The following SRD5A1 variants were observed in gnomAD, a reference collection of about 807,000 sequenced individuals.
The protein encoded by SRD5A1 is 3-oxo-5-alpha-steroid 4-dehydrogenase 1.
A neutral mutation model predicts 28.2 loss-of-function variants in SRD5A1; 22 were observed. The observed-to-expected ratio is 0.78, with a 90% CI of 0.56 to 1.12. SRD5A1 has a LOEUF of 1.12. SRD5A1 is among the 50% of genes most tolerant of loss of function. SRD5A1 has a pLI of 0.00. For missense variants in SRD5A1, 300 were observed against 346.7 expected (o/e 0.87, Z 1.07); for synonymous variants, 151 against 135.0 (o/e 1.12, Z -0.82).
chr5:6,652,083 G>A, intron 2 of SRD5A1, 75 bp downstream of exon 2: 1 of 1,469,606 alleles, frequency 6.8e-7, no homozygotes. Context: ...GGTTTCTAAT[G>A]AGAAAGTCCA....
intron 1 of SRD5A1, among the ~76,000 whole-genome samples, chr5:6,644,011 G>T (rs1024740460): frequency 6.6e-6 from 1 of 152,140 alleles, no homozygotes; most frequent in Non-Finnish European, 1.5e-5. Flanking sequence ...CCACAACTTA[G>T]AAGAAAATTG....
In SRD5A1 at chr5:6,664,318, G is replaced by A. The variant is rs142340950; in HGVS notation, c.713+1352G>A. The stretch of plus-strand genomic sequence containing the variant: ...GGTATAGTGGGAAGAGTACCTAGGT[G>A]TACTTCCCAGCCTCACCACGAGTTT... On this transcript the variant is annotated intron_variant, in intron 4 of 4. Coordinates refer to ENST00000274192, the MANE Select transcript of SRD5A1 (RefSeq NM_001047.4). Among the ~76,000 whole-genome samples the A allele has an allele frequency of 6.9e-4, 105 of 152,310 alleles. 2 individuals are homozygous for A. In the East Asian group the frequency reaches 0.02, roughly 29 times the overall value.
rs1282917310 is a variant in SRD5A1, at chr5:6,669,948, A to C, written c.*1680A>C. On this transcript the variant is annotated 3_prime_UTR_variant, in exon 5 of 5. Transcript: ENST00000274192. The stretch of plus-strand genomic sequence containing the variant: ...CAGAGCAGAGAGGCCATGACAGTGC[A>C]CACCCTGCGGAGACCCTGGGTCCTC... 1 of 152,588 alleles carries C rather than the reference A, an allele frequency of 6.6e-6. No homozygotes were observed. 9.5% of individuals were successfully genotyped at this position (152,588 alleles called of 1,614,324 possible).
chr5:6,668,085 TTAC>T, intron 4 of SRD5A1, 114 bp from the exon 5 acceptor site: 1 of 594,810 alleles, frequency 1.7e-6, no homozygotes, highest in Non-Finnish European at 2.8e-6. Flanking sequence ...AAAGTTTTTG[TTAC>T]TACATTTAAA....
rs1024273763 is a variant in SRD5A1 at position 6,650,439 on chromosome 5, A to G, written c.294-1403A>G. ...AAAAAAAAAAAAAGAGTTCCTTATT[A>G]TCCTCTTAAGGTCTGTAGGATATGT... On this transcript the variant is annotated intron_variant, in intron 1 of 4. Transcript: ENST00000274192. Among the ~76,000 whole-genome samples the G allele has an allele frequency of 9.2e-5, 14 of 151,648 alleles. No individual in the cohort carries two copies. The East Asian group carries it at 2.1e-3, about 23-fold the overall frequency.
intron 1 of SRD5A1, among the ~76,000 whole-genome samples, chr5:6,636,036 G>A (rs1040863167): frequency 1.3e-5 from 2 of 151,710 alleles, no homozygotes; most frequent in Non-Finnish European, 2.9e-5. Flanking sequence ...GCTCCAAGAG[G>A]ATTGGCTGGG....
intron 3 of SRD5A1, among the ~76,000 whole-genome samples, chr5:6,661,259 G>A (rs988934089): frequency 5.3e-5 from 8 of 152,044 alleles, no homozygotes; most frequent in Admixed American, 1.3e-4. Flanking sequence ...GACCATCTCA[G>A]GCTGGGTGTC....
intron 2 of SRD5A1, among the ~76,000 whole-genome samples, chr5:6,655,332 TA>T (rs1354052092): frequency 6.6e-6 from 1 of 152,222 alleles, no homozygotes; most frequent in African/African-American, 2.4e-5. Flanking sequence ...TTGATGGAAT[TA>T]ATTGATGTGA....
At chr5:6,648,866 C>G (rs1408343317) in intron 1 of SRD5A1, among the ~76,000 whole-genome samples, 1 of 152,170 alleles carries the variant, frequency 6.6e-6, no homozygotes, top group African/African-American at 2.4e-5. Flanking sequence ...GAATTTTCAG[C>G]CTTTTTGCAC....
intron 1 of SRD5A1, among the ~76,000 whole-genome samples, chr5:6,646,024 G>A (rs1738501677): frequency 6.6e-6 from 1 of 151,996 alleles, no homozygotes; most frequent in African/African-American, 2.4e-5. Flanking sequence ...GCCCCAGTGT[G>A]TGATGTTCCC....
chr5:6,636,862 A>G (rs1210986453), intron 1 of SRD5A1, among the ~76,000 whole-genome samples: 3 of 152,086 alleles, frequency 2.0e-5, no homozygotes, highest in African/African-American at 4.8e-5. Flanking sequence ...TGGAGAATCT[A>G]TGGGGTCTTT....
At chr5:6,645,199 T>G (rs1317687084) in intron 1 of SRD5A1, 1 of 338,602 alleles carries the variant, frequency 3.0e-6, no homozygotes, top group Admixed American at 4.1e-5. Flanking sequence ...ATTATGTGAT[T>G]ACTGTCGACG....
At chr5:6,644,599 G>T (rs1393665282) in intron 1 of SRD5A1, among the ~76,000 whole-genome samples, 1 of 152,128 alleles carries the variant, frequency 6.6e-6, no homozygotes, top group Non-Finnish European at 1.5e-5. Flanking sequence ...GGTACACTGA[G>T]GGGTAGAGTG....
At position 6,663,731 on chromosome 5, in the gene SRD5A1, G is replaced by A. The variant is rs8192222; in HGVS notation, c.713+765G>A. Among the ~76,000 whole-genome samples, 1,229 of 152,086 alleles carry A rather than the reference G, an allele frequency of 8.1e-3. 18 individuals carry two copies. The highest frequency in any genetic ancestry group is 0.027 in the African/African-American group (1,132 of 41,506). ...AAAAATTAGTCAGGCGTGGTGGCGG[G>A]CGCCTGTAATCCCAGCTACTCGGGA... On this transcript the variant is annotated intron_variant, in intron 4 of 4. Transcript: ENST00000274192.
At chr5:6,653,312 T>A (rs1279277434) in intron 2 of SRD5A1, 1 of 152,236 alleles carries the variant, frequency 6.6e-6, no homozygotes, top group African/African-American at 2.4e-5. Flanking sequence ...GATCCTTTTC[T>A]AGCTCCAGAG....
intron 2 of SRD5A1, among the ~76,000 whole-genome samples, chr5:6,654,774 G>C (rs369025487): frequency 1.3e-5 from 2 of 152,350 alleles, no homozygotes; most frequent in East Asian, 1.9e-4. Context: ...ATTTAGCTTA[G>C]ATGAACACAA....
At chr5:6,660,964 C>G (rs576907727) in intron 3 of SRD5A1, among the ~76,000 whole-genome samples, 1 of 152,284 alleles carries the variant, frequency 6.6e-6, no homozygotes, top group East Asian at 1.9e-4. Flanking sequence ...CATTACATGT[C>G]ATGAGAATTC....
chr5:6,640,627 A>G (rs1738331806), intron 1 of SRD5A1, among the ~76,000 whole-genome samples: 1 of 151,856 alleles, frequency 6.6e-6, no homozygotes, highest in African/African-American at 2.4e-5. Flanking sequence ...TTGGCCTCCC[A>G]AAGTGGTGGG....
chr5:6,650,824 T>C (rs1441783833), intron 1 of SRD5A1, among the ~76,000 whole-genome samples: 1 of 123,564 alleles, frequency 8.1e-6, no homozygotes, highest in East Asian at 2.9e-4. Context: ...CCCCAGAGTG[T>C]GATGTTCCCC....
Sources: allele counts gnomAD v4.1 joint callset (sites outside exome capture counted in the v4.1 genomes callset), GRCh38; gene constraint gnomAD v4.1.1; transcripts MANE v1.5; gene names NCBI Gene and HGNC (gene_info 2026-07-23, HGNC 2026-07-21).